The following CACNA2D3 variants were observed in gnomAD, a reference collection of about 807,000 sequenced individuals.
The protein encoded by CACNA2D3 is calcium voltage-gated channel auxiliary subunit alpha2delta 3, also known as voltage-dependent calcium channel subunit alpha-2/delta-3.
Under a neutral mutation model 160.6 loss-of-function variants are expected in CACNA2D3, and 60 were observed. That is an observed-to-expected ratio of 0.37 (90% confidence interval 0.30 to 0.46). The LOEUF (loss-of-function observed/expected upper bound fraction) is 0.46. CACNA2D3 is among the 20% of genes least tolerant of loss of function. CACNA2D3 has a pLI of 1.00. For synonymous variants in CACNA2D3, 558 were observed against 492.9 expected (o/e 1.13, Z -1.75); for missense variants, 1,205 against 1,365.0 (o/e 0.88, Z 1.85).
At chr3:54,634,619 G>A (rs1268496527) in intron 10 of CACNA2D3, 1 of 152,116 alleles carries the variant, frequency 6.6e-6, no homozygotes, top group Non-Finnish European at 1.5e-5. Flanking sequence ...CCGTTTTATA[G>A]GATTTGGGTA....
intron 4 of CACNA2D3, among the ~76,000 whole-genome samples, chr3:54,462,342 G>A (rs1307450999): frequency 1.3e-5 from 2 of 151,966 alleles, no homozygotes; most frequent in African/African-American, 4.8e-5. Flanking sequence ...TGTTAACTTT[G>A]TCTCGCTGAT....
intron 13 of CACNA2D3, among the ~76,000 whole-genome samples, chr3:54,767,432 G>A (rs949974217): frequency 7.2e-5 from 11 of 152,120 alleles, no homozygotes; most frequent in African/African-American, 2.4e-4. Flanking sequence ...AATCCATTTT[G>A]TGAGTATGGA....
At chr3:54,943,358 C>T (rs925258686) in intron 27 of CACNA2D3, among the ~76,000 whole-genome samples, 5 of 152,098 alleles carry the variant, frequency 3.3e-5, no homozygotes, top group African/African-American at 7.2e-5. Context: ...TTAAGATTGC[C>T]GTTTTTTAGT....
chr3:54,212,685 C>G (rs1055037431), intron 2 of CACNA2D3, among the ~76,000 whole-genome samples: 69 of 152,092 alleles, frequency 4.5e-4, no homozygotes, highest in African/African-American at 1.6e-3. Context: ...TTCAGGTTAA[C>G]TTTGGAATGC....
At chr3:54,684,139 T>C (rs1268803054) in intron 11 of CACNA2D3, among the ~76,000 whole-genome samples, 3 of 151,996 alleles carry the variant, frequency 2.0e-5, no homozygotes, top group Admixed American at 1.3e-4. Context: ...TTTTGTATTT[T>C]TAGTAGAGAG....
chr3:54,359,005 C>A (rs186579497), intron 3 of CACNA2D3, among the ~76,000 whole-genome samples: 2 of 151,966 alleles, frequency 1.3e-5, no homozygotes, highest in Non-Finnish European at 2.9e-5. Context: ...TTTACTGGAT[C>A]TCCAGTAAAT....
intron 4 of CACNA2D3, among the ~76,000 whole-genome samples, chr3:54,466,263 T>C (rs1700624218): frequency 6.6e-6 from 1 of 152,210 alleles, no homozygotes; most frequent in South Asian, 2.1e-4. Flanking sequence ...CAGTGAGTGT[T>C]GTATAAATTT....
chr3:54,569,422 C>T (rs901577351), intron 6 of CACNA2D3, among the ~76,000 whole-genome samples: 2 of 148,622 alleles, frequency 1.3e-5, no homozygotes, highest in African/African-American at 2.5e-5. Context: ...CAGACTCTGC[C>T]CAGAGATCTA....
intron 14 of CACNA2D3, among the ~76,000 whole-genome samples, chr3:54,830,038 G>A (rs1036731443): frequency 8.8e-5 from 6 of 68,186 alleles, no homozygotes; most frequent in African/African-American, 4.4e-4. Flanking sequence ...TCTGCCTCCT[G>A]GGTTCAAGCA....
chr3:54,553,832 C>T (rs1052675946), intron 5 of CACNA2D3, among the ~76,000 whole-genome samples: 1 of 152,164 alleles, frequency 6.6e-6, no homozygotes, highest in Non-Finnish European at 1.5e-5. Context: ...GATTGCCTGT[C>T]CTGGGAAGAG....
intron 9 of CACNA2D3, among the ~76,000 whole-genome samples, chr3:54,606,734 A>G (rs1698635596): frequency 6.6e-6 from 1 of 152,144 alleles, no homozygotes; most frequent in Non-Finnish European, 1.5e-5. Flanking sequence ...GTGCGCACAC[A>G]CTGGAGCACT....
At chr3:54,322,882 T>G (rs961805822) in intron 3 of CACNA2D3, among the ~76,000 whole-genome samples, 25 of 152,252 alleles carry the variant, frequency 1.6e-4, no homozygotes, top group African/African-American at 6.0e-4. Context: ...AATAAGTTGC[T>G]CTGTTTAAAT....
At chr3:54,665,047 C>T (rs1362160379) in intron 11 of CACNA2D3, among the ~76,000 whole-genome samples, 1 of 152,186 alleles carries the variant, frequency 6.6e-6, no homozygotes, top group Non-Finnish European at 1.5e-5. Context: ...TTCTGTAGGA[C>T]AATGGGGACA....
intron 34 of CACNA2D3, 37 bp from the exon 35 acceptor site, chr3:55,018,169 G>T (rs1461779884): frequency 2.1e-5 from 29 of 1,360,524 alleles, no homozygotes; most frequent in Non-Finnish European, 2.9e-5. Flanking sequence ...CCTGTGCCTT[G>T]CATTCTTTAC....
chr3:54,694,704 G>C (rs1234471821), intron 11 of CACNA2D3, among the ~76,000 whole-genome samples: 1 of 152,148 alleles, frequency 6.6e-6, no homozygotes, highest in Non-Finnish European at 1.5e-5. Flanking sequence ...GGTATTGCTA[G>C]CTGTATTTGG....
Position 54,837,569 on chromosome 3 carries a change from C to T in CACNA2D3, c.1470+339C>T, listed in dbSNP as rs144804835. On this transcript the variant is annotated intron_variant, in intron 15 of 37. Transcript: ENST00000474759. ...TCCTAGGGCTGTTAGGAATGAAGTG[C>T]CACAAACTGTGTGGCTTAAAAAAAT... 3.3e-3 allele frequency among the ~76,000 whole-genome samples: 498 copies of T among 152,272 alleles called. 2 individuals are homozygous for T. The highest frequency in any genetic ancestry group is 0.011 in the African/African-American group (469 of 41,558).
intron 35 of CACNA2D3, among the ~76,000 whole-genome samples, chr3:55,069,277 T>A (rs1007585408): frequency 6.6e-6 from 1 of 152,186 alleles, no homozygotes; most frequent in Non-Finnish European, 1.5e-5. Context: ...TGTTCTCAAA[T>A]TCCATAAAAT....
intron 2 of CACNA2D3, among the ~76,000 whole-genome samples, chr3:54,216,394 A>G (rs1047336123): frequency 2.0e-5 from 3 of 152,234 alleles, no homozygotes; most frequent in Admixed American, 6.5e-5. Context: ...TTCTATAATA[A>G]TAAACAGAAG....
At chr3:54,249,863 T>C (rs781150971) in intron 2 of CACNA2D3, among the ~76,000 whole-genome samples, 6 of 152,158 alleles carry the variant, frequency 3.9e-5, no homozygotes, top group Admixed American at 2.0e-4. Flanking sequence ...GACAACTCTT[T>C]AGTTACCTTT....
Sources: gnomAD v4.1 joint callset for allele counts (sites outside exome capture counted in the v4.1 genomes callset) on GRCh38, gnomAD v4.1.1 for gene constraint, MANE v1.5 for transcripts, NCBI Gene and HGNC (gene_info 2026-07-23, HGNC 2026-07-21) for gene names.